Variants in CPAP observed in about 807,000 individuals in gnomAD.
CPAP encodes centrosome assembly and centriole elongation protein.
the CPAP span, among the ~76,000 whole-genome samples, chr13:24,887,282 T>C: frequency 6.6e-6 from 1 of 152,224 alleles, no homozygotes; most frequent in Non-Finnish European, 1.5e-5. Context: ...ATACCACTTA[T>C]ACCAGGGGGC....
chr13:24,922,569 T>C, the CPAP span, among the ~76,000 whole-genome samples: 4 of 152,186 alleles, frequency 2.6e-5, no homozygotes, highest in Admixed American at 6.5e-5. Flanking sequence ...GCAGCGCGAA[T>C]GAACGAAGCC....
chr13:24,908,638 G>A, the CPAP span, among the ~76,000 whole-genome samples: 2 of 151,694 alleles, frequency 1.3e-5, no homozygotes, highest in African/African-American at 4.8e-5. Flanking sequence ...TTCTTCAAAA[G>A]GTTAATGTCA....
chr13:24,931,302 G>GTTTTTTTTTTTTTTTT, the CPAP span, among the ~76,000 whole-genome samples: 4 of 9,068 alleles, frequency 4.4e-4, no homozygotes, highest in African/African-American at 4.5e-4. Context: ...ATTTTTTCAT[G>GTTTTTTTTTTTTTTTT]TTTCTTTTTT....
the CPAP span, chr13:24,899,435 TC>T: frequency 3.1e-6 from 5 of 1,613,214 alleles, no homozygotes; most frequent in South Asian, 5.5e-5. Flanking sequence ...TTCTTCACGT[TC>T]CTTTTTATCT....
the CPAP span, among the ~76,000 whole-genome samples, chr13:24,921,772 A>C: frequency 6.6e-6 from 1 of 152,198 alleles, no homozygotes; most frequent in African/African-American, 2.4e-5. Flanking sequence ...TACTAGACTG[A>C]CAAGTGCAAG....
At chr13:24,905,454 TAGG>T in the CPAP span, 11 of 1,614,140 alleles carry the variant, frequency 6.8e-6, no homozygotes, top group Middle Eastern at 1.6e-4. Context: ...AGCTCCGATG[TAGG>T]AGGACTTCTG....
At chr13:24,932,359 C>T in the CPAP span, among the ~76,000 whole-genome samples, 4 of 152,324 alleles carry the variant, frequency 2.6e-5, no homozygotes, top group South Asian at 8.3e-4. Flanking sequence ...CGCCTGTAAT[C>T]CCAGCTACGC....
the CPAP span, chr13:24,909,664 C>G: frequency 1.1e-6 from 1 of 904,732 alleles, no homozygotes; most frequent in South Asian, 1.5e-5. Flanking sequence ...TTGAGTCCAG[C>G]CTGAGCAACA....
chr13:24,906,218 A>G, the CPAP span: 1 of 1,611,252 alleles, frequency 6.2e-7, no homozygotes, highest in South Asian at 1.1e-5. Flanking sequence ...ACCTTTGCAG[A>G]TCTGTTGATC....
the CPAP span, chr13:24,933,116 C>T: frequency 1.9e-6 from 3 of 1,581,604 alleles, no homozygotes; most frequent in Non-Finnish European, 2.6e-6. Context: ...GGAAAGTTTT[C>T]CTTTTCATTA....
chr13:24,926,026 G>A, the CPAP span: 1 of 152,392 alleles, frequency 6.6e-6, no homozygotes, highest in Non-Finnish European at 1.5e-5. Context: ...CTAGTGCCAA[G>A]CAGTCCCCTA....
the CPAP span, chr13:24,905,495 C>T: frequency 6.2e-7 from 1 of 1,614,052 alleles, no homozygotes; most frequent in Admixed American, 1.7e-5. Flanking sequence ...CAAGTCTTCT[C>T]CCCTCTTGAC....
the CPAP span, among the ~76,000 whole-genome samples, chr13:24,933,722 CTCT>C: frequency 2.9e-4 from 44 of 151,770 alleles, no homozygotes; most frequent in African/African-American, 5.1e-4. Flanking sequence ...TAAGTCTAAC[CTCT>C]TCTTCTTTTT....
the CPAP span, among the ~76,000 whole-genome samples, chr13:24,897,010 G>A: frequency 6.6e-6 from 1 of 152,136 alleles, no homozygotes; most frequent in Admixed American, 6.5e-5. Flanking sequence ...ATTCAATTAA[G>A]TTTAAAATCA....
chr13:24,906,859 T>G, the CPAP span: 2 of 1,614,242 alleles, frequency 1.2e-6, no homozygotes, highest in Admixed American at 3.3e-5. Context: ...CTTTGCCTTT[T>G]TGAAACTTAG....
At chr13:24,900,717 C>A in the CPAP span, among the ~76,000 whole-genome samples, 120 of 152,246 alleles carry the variant, frequency 7.9e-4, no homozygotes, top group Non-Finnish European at 1.6e-3. Context: ...GTGTGAAGAG[C>A]ACAGACGCGG....
chr13:24,897,907 C>T, the CPAP span, among the ~76,000 whole-genome samples: 2 of 152,084 alleles, frequency 1.3e-5, no homozygotes, highest in African/African-American at 2.4e-5. Context: ...AATTGTCCCC[C>T]GCCCCGTGGA....
the CPAP span, chr13:24,883,464 A>G: frequency 1.1e-6 from 1 of 944,160 alleles, no homozygotes; most frequent in East Asian, 2.6e-5. Flanking sequence ...TGAGTCTGGC[A>G]GCTACTTCTG....
the CPAP span, among the ~76,000 whole-genome samples, chr13:24,931,306 C>CTTTTTTCTTTTTT: frequency 6.9e-5 from 5 of 72,646 alleles, no homozygotes; most frequent in African/African-American, 3.3e-4. Flanking sequence ...TTTCATGTTT[C>CTTTTTTCTTTTTT]TTTTTTTTTT....
Sources: gnomAD v4.1 joint callset for allele counts (sites outside exome capture counted in the v4.1 genomes callset) on GRCh38, gnomAD v4.1.1 for gene constraint, MANE v1.5 for transcripts, NCBI Gene and HGNC (gene_info 2026-07-23, HGNC 2026-07-21) for gene names.